BLZF1: variants seen among roughly 807,000 people sequenced by gnomAD.
BLZF1 encodes the protein golgin-45.
Under a neutral mutation model 43.8 loss-of-function variants are expected in BLZF1, and 39 were observed. The observed-to-expected ratio is 0.89, with a 90% confidence interval of 0.69 to 1.16. The LOEUF (loss-of-function observed/expected upper bound fraction) is 1.16, where lower values mean the gene tolerates loss of function less well. Among genes scored for constraint, BLZF1 ranks in the 50% most tolerant of loss-of-function variants. The pLI is 0.00. For synonymous variants in BLZF1, 136 were observed against 159.4 expected (o/e 0.85, Z 1.11); for missense variants, 449 against 469.8 (o/e 0.96, Z 0.41).
At chr1:169,382,716 G>T (rs1203202479) in intron 6 of BLZF1, among the ~76,000 whole-genome samples, 2 of 152,094 alleles carry the variant, frequency 1.3e-5, no homozygotes, top group Non-Finnish European at 2.9e-5. Context: ...ATGAATTCAG[G>T]GTCCATGCAG....
intron 2 of BLZF1, among the ~76,000 whole-genome samples, chr1:169,375,393 C>CATATATATATATATATATATATATAT (rs58679820): frequency 3.5e-5 from 3 of 85,840 alleles, no homozygotes; most frequent in African/African-American, 9.6e-5. Context: ...ATATATAAAA[C>CATATATATATATATATATATATATAT]ATATATATAT....
chr1:169,375,025 G>A (rs72702180), intron 2 of BLZF1, among the ~76,000 whole-genome samples: 326 of 151,956 alleles, frequency 2.1e-3, no homozygotes, highest in Non-Finnish European at 3.1e-3. Flanking sequence ...CATTTCGGCC[G>A]TACAGATCTT....
chr1:169,383,840 T>C (rs17349677), intron 6 of BLZF1, among the ~76,000 whole-genome samples: 12,830 of 152,128 alleles, frequency 0.084, 735 homozygotes, highest in Admixed American at 0.19. Context: ...TTTGTGACCA[T>C]TGTTTCTAAG....
downstream of BLZF1, among the ~76,000 whole-genome samples, chr1:169,391,818 T>C (rs553313849): frequency 4.5e-4 from 69 of 152,342 alleles, no homozygotes; most frequent in Non-Finnish European, 8.8e-4. Flanking sequence ...TGTCTCCTGC[T>C]AAATCACGGA....
rs1206489878 is a variant in BLZF1 at position 169,376,719 on chromosome 1, A to G, written c.208A>G (p.Thr70Ala). 1 of 1,613,398 alleles carries G rather than the reference A, an allele frequency of 6.2e-7. No homozygotes were observed. Among genetic ancestry groups the G allele is most frequent in the Admixed American group, 1.7e-5 (1 of 59,890 alleles). ...AGTTCTTCAGCTAGGGAAAATGCTC[A>G]CTGAAAAAGCAATGGAAGTTAAAGC... ...PGVLQLGKML[T>A]EKAMEVKAVR... The change falls in exon 3 of 7, where the codon ACT (threonine) becomes GCT (alanine). Residue 70 changes from threonine (T) to alanine (A), a missense_variant. Transcript: ENST00000367808.
rs1028180 is a variant in BLZF1, at chr1:169,376,630, A to G, written c.119A>G (p.Gln40Arg). 82,946 of 1,613,104 alleles carry G rather than the reference A, an allele frequency of 0.051. 12,686 individuals are homozygous for G. The East Asian group carries it at 0.67, about 13-fold the overall frequency. The change falls in exon 3 of 7, where the codon CAA (glutamine) becomes CGA (arginine). Residue 40 changes from glutamine (Q) to arginine (R), a missense_variant. Transcript: ENST00000367808. Reference sequence around the variant, plus strand: ...TCTGTTGAAGTTACCTCCGGAGTCCAATCTAGAAAGCATCATAGTCTTCAG... The same window carrying G: ...TCTGTTGAAGTTACCTCCGGAGTCCGATCTAGAAAGCATCATAGTCTTCAG... ...PKSVEVTSGV[Q>R]SRKHHSLQSP... is the part of the protein sequence containing the mutation.
chr1:169,370,633 G>C (rs550274571), intron 2 of BLZF1, among the ~76,000 whole-genome samples: 1 of 152,194 alleles, frequency 6.6e-6, no homozygotes, highest in Admixed American at 6.5e-5. Flanking sequence ...CAAATATGGC[G>C]AGTAGCTATT....
chr1:169,373,018 A>G (rs958335158), intron 2 of BLZF1, among the ~76,000 whole-genome samples: 3 of 152,176 alleles, frequency 2.0e-5, no homozygotes, highest in Non-Finnish European at 1.5e-5. Context: ...GAATTTCATC[A>G]ATAAATTTTT....
intron 1 of BLZF1, among the ~76,000 whole-genome samples, chr1:169,368,915 A>G (rs1000106571): frequency 2.0e-5 from 3 of 152,192 alleles, no homozygotes; most frequent in East Asian, 1.9e-4. Flanking sequence ...CTGTAAGACA[A>G]TGTATACATT....
intron 2 of BLZF1, among the ~76,000 whole-genome samples, chr1:169,372,942 TC>T (rs1415251043): frequency 6.6e-6 from 1 of 152,122 alleles, no homozygotes; most frequent in Non-Finnish European, 1.5e-5. Context: ...TAAAAAAAAA[TC>T]TGTTCTTCCC....
At chr1:169,393,339 G>A (rs1416674205) in intron 7 of BLZF1, among the ~76,000 whole-genome samples, 1 of 151,964 alleles carries the variant, frequency 6.6e-6, no homozygotes, top group Non-Finnish European at 1.5e-5. Context: ...TGTAATCCCA[G>A]CACTTTGGGA....
In BLZF1 at chr1:169,387,030, G is replaced by GA; in HGVS notation, c.1052dup (p.Ser352GlufsTer4). ...AATTTTAGATCCAGTTACCTGCAAA[G>GA]AGAGTTCACCTGATAATCCATTTTT... is the stretch of plus-strand genomic sequence containing the variant. On this transcript the variant is annotated frameshift_variant, in exon 7 of 7. Coordinates refer to ENST00000367808, the MANE Select transcript of BLZF1 (RefSeq NM_001320973.2). LOFTEE classifies it high-confidence loss of function. 1 of 1,611,490 alleles carries GA rather than the reference G, an allele frequency of 6.2e-7. No homozygotes were observed. Among genetic ancestry groups the GA allele is most frequent in the South Asian group, 1.1e-5 (1 of 90,618 alleles).
intron 1 of BLZF1, 145 bp from the exon 2 acceptor site, chr1:169,369,328 A>C (rs1001659948): frequency 4.6e-6 from 2 of 438,682 alleles, no homozygotes; most frequent in African/African-American, 4.1e-5. Context: ...GCCTTCTGTG[A>C]GAATGGGATA....
At chr1:169,379,979 A>G (rs1256306643) in intron 4 of BLZF1, among the ~76,000 whole-genome samples, 2 of 151,530 alleles carry the variant, frequency 1.3e-5, no homozygotes, top group Admixed American at 1.3e-4. Flanking sequence ...ATATACATAA[A>G]TTTTTTTTTG....
intron 3 of BLZF1, 158 bp downstream of exon 3, chr1:169,377,137 G>A (rs1467741685): frequency 2.4e-5 from 16 of 660,588 alleles, no homozygotes; most frequent in Non-Finnish European, 3.9e-5. Flanking sequence ...TTCTTTCTCA[G>A]TTCTCTAGGG....
chr1:169,386,170 T>C (rs1654661693), intron 6 of BLZF1, among the ~76,000 whole-genome samples: 2 of 152,174 alleles, frequency 1.3e-5, no homozygotes, highest in African/African-American at 4.8e-5. Context: ...GAGCATTGTG[T>C]TGTGGAACCC....
chr1:169,389,106 A>G (rs1654754519), downstream of BLZF1, among the ~76,000 whole-genome samples: 1 of 147,470 alleles, frequency 6.8e-6, no homozygotes, highest in Non-Finnish European at 1.5e-5. Context: ...TGGGTGACGG[A>G]GCGAAACTCT....
At chr1:169,379,288 A>G (rs959676710) in intron 4 of BLZF1, among the ~76,000 whole-genome samples, 9 of 152,028 alleles carry the variant, frequency 5.9e-5, no homozygotes, top group African/African-American at 2.2e-4. Context: ...GGAACCATTG[A>G]TTTTGATGAA....
chr1:169,395,792 C>G (rs1449815794), intron 7 of BLZF1: 2 of 151,164 alleles, frequency 1.3e-5, no homozygotes, highest in Admixed American at 1.3e-4. Flanking sequence ...ACTGCATATA[C>G]ATATATACCT....
Sources: gnomAD v4.1 joint callset for allele counts (sites outside exome capture counted in the v4.1 genomes callset) on GRCh38, gnomAD v4.1.1 for gene constraint, MANE v1.5 for transcripts, NCBI Gene and HGNC (gene_info 2026-07-23, HGNC 2026-07-21) for gene names.